Variants in AUTS2 observed in about 807,000 individuals in gnomAD.
The protein encoded by AUTS2 is autism susceptibility gene 2 protein.
AUTS2 carries 17 observed loss-of-function variants against 112.4 expected under a neutral mutation model. That is an observed-to-expected ratio of 0.15 (90% CI 0.10 to 0.23). AUTS2 has a LOEUF of 0.23. Among genes scored for constraint, AUTS2 ranks in the 10% least tolerant of loss-of-function variants. AUTS2 has a pLI of 1.00. For synonymous variants in AUTS2, 751 were observed against 702.7 expected (o/e 1.07, Z -1.09); for missense variants, 1,510 against 1,701.6 (o/e 0.89, Z 1.98).
chr7:70,333,671 G>A (rs1790861336), intron 4 of AUTS2, among the ~76,000 whole-genome samples: 1 of 152,102 alleles, frequency 6.6e-6, no homozygotes, highest in Non-Finnish European at 1.5e-5. Context: ...CATGGATGAA[G>A]CTGGAAACCA....
chr7:70,121,970 A>T (rs1482006530), intron 3 of AUTS2, among the ~76,000 whole-genome samples: 2 of 152,244 alleles, frequency 1.3e-5, no homozygotes, highest in Non-Finnish European at 2.9e-5. Context: ...AAAATGTGAC[A>T]GCTTGGCTGA....
At chr7:70,135,733 AC>A (rs989242192) in intron 4 of AUTS2, among the ~76,000 whole-genome samples, 2 of 152,110 alleles carry the variant, frequency 1.3e-5, no homozygotes, top group African/African-American at 4.8e-5. Context: ...TAGCACACTT[AC>A]CCTTGCTCCT....
chr7:70,123,326 G>T (rs903147664), intron 3 of AUTS2, among the ~76,000 whole-genome samples: 1 of 152,036 alleles, frequency 6.6e-6, no homozygotes, highest in African/African-American at 2.4e-5. Context: ...TTTTATTTTA[G>T]TTTTGGGGGT....
intron 4 of AUTS2, among the ~76,000 whole-genome samples, chr7:70,174,261 C>T (rs879600592): frequency 6.6e-6 from 1 of 152,160 alleles, no homozygotes; most frequent in Non-Finnish European, 1.5e-5. Flanking sequence ...AAAACCTAAT[C>T]CATACAAGGC....
At chr7:70,522,420 C>G (rs977065616) in intron 5 of AUTS2, among the ~76,000 whole-genome samples, 2 of 152,144 alleles carry the variant, frequency 1.3e-5, no homozygotes, top group Admixed American at 6.5e-5. Context: ...GAGCAGAGTA[C>G]CCAGTAGGTA....
intron 2 of AUTS2, among the ~76,000 whole-genome samples, chr7:69,910,803 T>C (rs112758039): frequency 3.1e-4 from 47 of 152,018 alleles, no homozygotes; most frequent in African/African-American, 1.1e-3. Context: ...AATTTTTGTA[T>C]TTTTAGTAGA....
At chr7:69,994,018 A>T (rs1798846504) in intron 2 of AUTS2, among the ~76,000 whole-genome samples, 1 of 152,134 alleles carries the variant, frequency 6.6e-6, no homozygotes, top group Non-Finnish European at 1.5e-5. Flanking sequence ...CTCGCTTGTG[A>T]TGGTTGTATA....
intron 5 of AUTS2, among the ~76,000 whole-genome samples, chr7:70,646,719 C>T (rs976236031): frequency 2.0e-5 from 3 of 152,242 alleles, no homozygotes; most frequent in Admixed American, 2.0e-4. Context: ...GCAAGATTGA[C>T]TCCGATGCAG....
chr7:70,601,841 T>A (rs547415859), intron 5 of AUTS2, among the ~76,000 whole-genome samples: 29 of 152,240 alleles, frequency 1.9e-4, no homozygotes, highest in Admixed American at 1.1e-3. Flanking sequence ...TTTTCTTCAT[T>A]TGGGCAAAAA....
At chr7:69,691,421 AC>A (rs1393481956) in intron 1 of AUTS2, among the ~76,000 whole-genome samples, 1 of 151,758 alleles carries the variant, frequency 6.6e-6, no homozygotes, top group Admixed American at 6.6e-5. Flanking sequence ...CTCAGCACCC[AC>A]CCCCATCCTC....
At chr7:69,603,897 T>G (rs1215202769) in intron 1 of AUTS2, among the ~76,000 whole-genome samples, 1 of 152,160 alleles carries the variant, frequency 6.6e-6, no homozygotes, top group Non-Finnish European at 1.5e-5. Flanking sequence ...CTATTTGGGT[T>G]TTTTTTCTGT....
Position 70,318,751 on chromosome 7 carries a change from A to C in AUTS2, c.661-117001A>C, listed in dbSNP as rs149939448. ...GAGGGTTCCAAGAATTTCAGAAGGC[A>C]CTGTATAGCTCTGCCAGGAAGTGTT... On this transcript the variant is annotated intron_variant, in intron 4 of 18. Transcript: ENST00000342771. 4.7e-4 allele frequency among the ~76,000 whole-genome samples: 71 copies of C among 152,310 alleles called. 1 individual carries two copies. The East Asian group carries it at 0.014, about 29-fold the overall frequency.
At chr7:70,399,976 TTC>T (rs1414408015) in intron 4 of AUTS2, among the ~76,000 whole-genome samples, 2 of 152,202 alleles carry the variant, frequency 1.3e-5, no homozygotes, top group East Asian at 3.9e-4. Flanking sequence ...GCTTCTGTAA[TTC>T]TCTTTCATTC....
At chr7:70,537,379 A>T in intron 5 of AUTS2, among the ~76,000 whole-genome samples, 1 of 152,254 alleles carries the variant, frequency 6.6e-6, no homozygotes. Flanking sequence ...CTCTTTGCTT[A>T]AAATTAATTA....
intron 4 of AUTS2, among the ~76,000 whole-genome samples, chr7:70,314,926 C>T (rs1048904661): frequency 2.0e-5 from 3 of 152,238 alleles, no homozygotes; most frequent in Non-Finnish European, 2.9e-5. Context: ...TGAACTCTAG[C>T]GAGTTTCCTC....
intron 2 of AUTS2, among the ~76,000 whole-genome samples, chr7:69,976,693 C>G (rs1798073169): frequency 6.6e-6 from 1 of 152,186 alleles, no homozygotes; most frequent in Non-Finnish European, 1.5e-5. Context: ...ATGCATTTCT[C>G]TAATGATTAG....
chr7:70,465,182 A>G (rs1361571433), intron 5 of AUTS2, among the ~76,000 whole-genome samples: 2 of 152,132 alleles, frequency 1.3e-5, no homozygotes, highest in African/African-American at 4.8e-5. Context: ...TGGCCTCAGG[A>G]AGTTTTCTTC....
chr7:70,504,058 T>C (rs2116671569), intron 5 of AUTS2, among the ~76,000 whole-genome samples: 1 of 133,780 alleles, frequency 7.5e-6, no homozygotes, highest in Middle Eastern at 3.6e-3. Flanking sequence ...TCATGAATTG[T>C]AAGCTTGGGT....
Position 70,781,689 on chromosome 7 carries a change from C to A in AUTS2, c.2079C>A (p.Pro693=). The A allele has an allele frequency of 6.2e-7, 1 of 1,614,220 alleles. No homozygotes were observed. The change falls in exon 15 of 19, where the codon CCC becomes CCA. Residue 693 remains proline, a synonymous_variant. Transcript: ENST00000342771. ...KPEFLSRPPG[P]SLFGAIHHPH... Reference sequence around the variant, plus strand: ...AGTTCCTGAGCCGCCCTCCAGGCCCCAGTCTTTTTGGAGCCATCCACCACC... The same window carrying A: ...AGTTCCTGAGCCGCCCTCCAGGCCCAAGTCTTTTTGGAGCCATCCACCACC...
Sources: allele counts gnomAD v4.1 joint callset (sites outside exome capture counted in the v4.1 genomes callset), GRCh38; gene constraint gnomAD v4.1.1; transcripts MANE v1.5; gene names NCBI Gene and HGNC (gene_info 2026-07-23, HGNC 2026-07-21).